Variants in VRK3 observed in about 807,000 individuals in gnomAD.
The protein encoded by VRK3 is serine/threonine-protein kinase VRK3.
VRK3 carries 50 observed loss-of-function variants against 60.4 expected under a neutral mutation model. The ratio of observed to expected loss-of-function variants is 0.83; its 90% confidence interval spans 0.66 to 1.05. VRK3 has a LOEUF of 1.05. Among genes scored for constraint, VRK3 ranks in the 50% least tolerant of loss-of-function variants. The pLI, the probability that VRK3 is intolerant of heterozygous loss-of-function variation, is 0.00. For synonymous variants in VRK3, 246 were observed against 227.8 expected, an observed-to-expected ratio of 1.08 and a Z score of -0.72; for missense variants, 549 against 585.3, an observed-to-expected ratio of 0.94 and a Z score of 0.64.
chr19:50,008,195 TGAG>T (rs777567554), intron 4 of VRK3, among the ~76,000 whole-genome samples: 3 of 152,080 alleles, frequency 2.0e-5, no homozygotes, highest in East Asian at 3.9e-4. Context: ...TCTTGTTGGA[TGAG>T]GAGAAGTTTG....
At chr19:50,021,124 T>C (rs1296461142) in intron 1 of VRK3, among the ~76,000 whole-genome samples, 2 of 152,230 alleles carry the variant, frequency 1.3e-5, no homozygotes, top group Admixed American at 6.5e-5. Context: ...CAACTTTCTA[T>C]GCATTATCCT....
At chr19:50,018,305 C>T (rs2077109773) in intron 2 of VRK3, among the ~76,000 whole-genome samples, 1 of 152,202 alleles carries the variant, frequency 6.6e-6, no homozygotes, top group Admixed American at 6.5e-5. Context: ...TTACTATATT[C>T]CAGTCATTAA....
At chr19:50,016,308 C>G (rs902031066) in intron 2 of VRK3, 145 bp from the exon 3 acceptor site, 1 of 1,073,192 alleles carries the variant, frequency 9.3e-7, no homozygotes, top group Non-Finnish European at 1.3e-6. Flanking sequence ...CTTCTTAAAA[C>G]ATGCAATGGG....
chr19:49,989,615 C>A (rs1369856074), intron 11 of VRK3, 24 bp downstream of exon 11: 2 of 1,591,742 alleles, frequency 1.3e-6, no homozygotes, highest in African/African-American at 2.7e-5. Context: ...CTCTGCGGTC[C>A]CAAACCCATC....
intron 2 of VRK3, chr19:50,019,165 T>TAAAAAAAAAAAAAAAAAAAAA (rs199546751): frequency 1.3e-5 from 1 of 79,050 alleles, no homozygotes; most frequent in Non-Finnish European, 2.7e-5. Flanking sequence ...ACTCCGTCTC[T>TAAAAAAAAAAAAAAAAAAAAA]AAAAAAAAAA....
intron 12 of VRK3, chr19:49,986,189 A>C (rs1471986244): frequency 6.6e-6 from 1 of 152,262 alleles, no homozygotes; most frequent in Non-Finnish European, 1.5e-5. Context: ...TTAAGGACAC[A>C]GATGCATCTA....
At chr19:50,000,923 T>A in intron 5 of VRK3, 69 bp from the exon 6 acceptor site, 1 of 1,462,230 alleles carries the variant, frequency 6.8e-7, no homozygotes, top group Non-Finnish European at 9.3e-7. Context: ...TCCCCAAACT[T>A]CCCAGCAATG....
At chr19:50,018,575 GAC>G (rs2077113070) in intron 2 of VRK3, among the ~76,000 whole-genome samples, 1 of 152,198 alleles carries the variant, frequency 6.6e-6, no homozygotes, top group African/African-American at 2.4e-5. Flanking sequence ...AGTCATGTAA[GAC>G]ATCTGGACTG....
intron 9 of VRK3, 149 bp from the exon 10 acceptor site, chr19:49,993,101 A>G (rs1235099498): frequency 4.7e-6 from 3 of 633,934 alleles, no homozygotes; most frequent in Non-Finnish European, 8.2e-6. Context: ...CCGGGGTAGC[A>G]TGAGGAGCCC....
intron 12 of VRK3, chr19:49,981,908 G>C (rs931482415): frequency 1.7e-5 from 16 of 928,602 alleles, no homozygotes; most frequent in Non-Finnish European, 2.4e-5. Context: ...AAGCAAGCAG[G>C]CTCGACTTCA....
At chr19:49,998,782 G>C (rs2076748093) in intron 6 of VRK3, 2 of 144,654 alleles carry the variant, frequency 1.4e-5, no homozygotes, top group Non-Finnish European at 3.0e-5. Context: ...CAATGACATA[G>C]TAAACACACA....
chr19:50,004,770 C>T (rs549493821), intron 5 of VRK3, among the ~76,000 whole-genome samples: 1 of 151,972 alleles, frequency 6.6e-6, no homozygotes, highest in South Asian at 2.1e-4. Flanking sequence ...ATTAGCCTGG[C>T]GTGGTGGCGC....
intron 13 of VRK3, among the ~76,000 whole-genome samples, chr19:49,980,115 G>T (rs902053142): frequency 6.6e-6 from 1 of 152,030 alleles, no homozygotes; most frequent in Non-Finnish European, 1.5e-5. Flanking sequence ...GAGAGCCAGA[G>T]GGAACAAGCT....
chr19:49,979,288 C>T, intron 13 of VRK3, 46 bp from the exon 14 acceptor site: 1 of 1,613,130 alleles, frequency 6.2e-7, no homozygotes, highest in Non-Finnish European at 8.5e-7. Flanking sequence ...GAGAGGCATC[C>T]CCCAACCCCG....
chr19:50,015,285 A>C (rs567420338), intron 3 of VRK3, among the ~76,000 whole-genome samples: 3 of 152,132 alleles, frequency 2.0e-5, no homozygotes, highest in South Asian at 2.1e-4. Flanking sequence ...TGCTCAAGGG[A>C]AATTTCACTG....
chr19:49,992,986 C>G, intron 9 of VRK3, 34 bp from the exon 10 acceptor site: 1 of 1,588,334 alleles, frequency 6.3e-7, no homozygotes, highest in Non-Finnish European at 8.6e-7. Context: ...TCTGCATGAG[C>G]AGTACGACTA....
rs1026261479 is a variant in VRK3 at position 49,993,090 on chromosome 19, T to C, written c.871-138A>G. 2.3e-5 allele frequency: 16 copies of C among 694,628 alleles called. No homozygotes were observed. The East Asian group carries it at 4.3e-4, about 19-fold the overall frequency. 43.0% of individuals were successfully genotyped at this position (694,628 alleles called of 1,614,324 possible). A position where few individuals can be genotyped will look rare whatever the true frequency, so the allele number is the denominator to read the frequency against. Reference sequence around the variant, plus strand: ...TGACTGGGGGTTAAACCTGACTAAATCCGGGGTAGCATGAGGAGCCCGCTG... The same window carrying C: ...TGACTGGGGGTTAAACCTGACTAAACCCGGGGTAGCATGAGGAGCCCGCTG... On this transcript the variant is annotated intron_variant, in intron 9 of 14. Coordinates refer to ENST00000316763, the MANE Select transcript of VRK3 (RefSeq NM_016440.4).
intron 14 of VRK3, 166 bp downstream of exon 14, chr19:49,978,917 G>T: frequency 1.7e-6 from 1 of 581,906 alleles, no homozygotes; most frequent in South Asian, 4.1e-5. Flanking sequence ...GCCATTCCTT[G>T]AGGCTGGGAA....
chr19:49,989,605 C>T, intron 11 of VRK3, 34 bp downstream of exon 11: 2 of 1,571,800 alleles, frequency 1.3e-6, no homozygotes, highest in East Asian at 2.3e-5. Flanking sequence ...AGAAGCATCT[C>T]TCTGCGGTCC....
Sources: allele counts gnomAD v4.1 joint callset (sites outside exome capture counted in the v4.1 genomes callset), GRCh38; gene constraint gnomAD v4.1.1; transcripts MANE v1.5; gene names NCBI Gene and HGNC (gene_info 2026-07-23, HGNC 2026-07-21).